Variants in TMCC3 observed in about 807,000 individuals in gnomAD.
The protein encoded by TMCC3 is transmembrane and coiled-coil domain protein 3.
A neutral mutation model predicts 40.2 loss-of-function variants in TMCC3; 28 were observed. The observed-to-expected ratio is 0.70, with a 90% CI of 0.52 to 0.95. The LOEUF (loss-of-function observed/expected upper bound fraction) is 0.95. TMCC3 is among the 40% of genes least tolerant of loss of function. TMCC3 has a pLI of 0.00. For missense variants in TMCC3, 554 were observed against 615.2 expected, an observed-to-expected ratio of 0.90 and a Z score of 1.05; for synonymous variants, 255 against 248.5, an observed-to-expected ratio of 1.03 and a Z score of -0.25.
rs541509282 is a variant in TMCC3 at position 94,592,235 on chromosome 12, G to A, written c.79-9697C>T. ...ACTCTGAACTTTAAATAAGTGCACC[G>A]TGTACAGCACGGGAACTGAGTCAAT... On this transcript the variant is annotated intron_variant, in intron 1 of 3. Transcript: ENST00000261226. Among the ~76,000 whole-genome samples the A allele has an allele frequency of 6.4e-4, 97 of 152,090 alleles. 1 individual carries two copies. Among genetic ancestry groups the A allele is most frequent in the Non-Finnish European group, 1.2e-3 (80 of 68,016 alleles).
intron 1 of TMCC3, among the ~76,000 whole-genome samples, chr12:94,611,233 G>A (rs1399777551): frequency 2.0e-5 from 3 of 152,012 alleles, no homozygotes; most frequent in Non-Finnish European, 4.4e-5. Context: ...ATTTCCCAAG[G>A]AAATAAAACC....
chr12:94,583,843 T>C (rs1316499587), intron 1 of TMCC3, among the ~76,000 whole-genome samples: 1 of 152,214 alleles, frequency 6.6e-6, no homozygotes, highest in Non-Finnish European at 1.5e-5. Context: ...TTGATGTTCC[T>C]GGAGGATGAA....
At chr12:94,612,002 TTTTG>T (rs2068819059) in intron 1 of TMCC3, among the ~76,000 whole-genome samples, 1 of 152,128 alleles carries the variant, frequency 6.6e-6, no homozygotes, top group Admixed American at 6.5e-5. Flanking sequence ...GGTTTGGTGT[TTTTG>T]TTTGTTTTTT....
chr12:94,594,296 T>A (rs1459654594), intron 1 of TMCC3, among the ~76,000 whole-genome samples: 4 of 151,930 alleles, frequency 2.6e-5, no homozygotes, highest in Non-Finnish European at 5.9e-5. Flanking sequence ...ATACCATCAC[T>A]AGCTCACTGC....
intron 1 of TMCC3, among the ~76,000 whole-genome samples, chr12:94,593,393 A>AGAGGAAGAGGAAGAG (rs1566320574): frequency 7.0e-5 from 2 of 28,418 alleles, no homozygotes; most frequent in African/African-American, 2.6e-4. Flanking sequence ...GAAAGAAGAA[A>AGAGGAAGAGGAAGAG]GAAGAAAGAA....
At chr12:94,606,256 A>G (rs1166021063) in intron 1 of TMCC3, among the ~76,000 whole-genome samples, 1 of 152,194 alleles carries the variant, frequency 6.6e-6, no homozygotes, top group African/African-American at 2.4e-5. Flanking sequence ...ATTTGGAAAC[A>G]TGAATTTTAT....
chr12:94,578,146 C>CAAAAAAAAA (rs1183420863), intron 3 of TMCC3, among the ~76,000 whole-genome samples: 55 of 34,716 alleles, frequency 1.6e-3, no homozygotes, highest in African/African-American at 3.8e-3. Context: ...AGACTCACCT[C>CAAAAAAAAA]AAAAAAAAAA....
At position 94,571,510 on chromosome 12, in the gene TMCC3, C is replaced by A; in HGVS notation, c.1359G>T (p.Val453=). ...TTTTACAAAATATAGCAAGAAGAGT[C>A]ACGGCAAAGAAGGTGCCAAGAATGT... The part of the protein sequence containing the change: ...RCHILGTFFA[V]TLLAIFCKNW... The change falls in exon 4 of 4, where the codon GTG becomes GTT. Residue 453 remains valine, a synonymous_variant. Coordinates refer to ENST00000261226, the MANE Select transcript of TMCC3 (RefSeq NM_020698.4). The A allele has an allele frequency of 1.2e-6, 2 of 1,614,092 alleles. No homozygotes were observed. The highest frequency in any genetic ancestry group is 1.7e-6 in the Non-Finnish European group (2 of 1,180,022).
At chr12:94,644,259 CCTCTT>C in intron 1 of TMCC3, 5 of 343,426 alleles carry the variant, frequency 1.5e-5, no homozygotes, top group Non-Finnish European at 2.1e-5. Flanking sequence ...TGGTTCTCTT[CCTCTT>C]CTCTTGTCAC....
intron 3 of TMCC3, among the ~76,000 whole-genome samples, chr12:94,577,406 T>C (rs2068572186): frequency 6.6e-6 from 1 of 152,114 alleles, no homozygotes; most frequent in African/African-American, 2.4e-5. Context: ...GCCAGGATGG[T>C]CTCAATCTCC....
intron 1 of TMCC3, among the ~76,000 whole-genome samples, chr12:94,646,481 C>A (rs887058436): frequency 6.8e-6 from 1 of 147,204 alleles, no homozygotes; most frequent in Non-Finnish European, 1.5e-5. Context: ...TCTTGTCCCC[C>A]AGGCTGGAGT....
chr12:94,647,571 T>C (rs1332941961), intron 1 of TMCC3, among the ~76,000 whole-genome samples: 1 of 152,178 alleles, frequency 6.6e-6, no homozygotes, highest in South Asian at 2.1e-4. Context: ...CTCATTGGCA[T>C]TTTTAGGGGA....
At chr12:94,599,945 C>T (rs928323123) in intron 1 of TMCC3, among the ~76,000 whole-genome samples, 12 of 152,174 alleles carry the variant, frequency 7.9e-5, no homozygotes, top group East Asian at 5.8e-4. Flanking sequence ...GCCCCAGCTA[C>T]GCAGGAAGCT....
chr12:94,594,312 T>C (rs901368406), intron 1 of TMCC3, among the ~76,000 whole-genome samples: 2 of 151,756 alleles, frequency 1.3e-5, no homozygotes, highest in African/African-American at 4.8e-5. Context: ...ACTGCAACCT[T>C]GAACTCCTGG....
At chr12:94,635,518 A>G (rs2068955373) in intron 1 of TMCC3, among the ~76,000 whole-genome samples, 1 of 152,236 alleles carries the variant, frequency 6.6e-6, no homozygotes, top group African/African-American at 2.4e-5. Flanking sequence ...GATGAGAGGT[A>G]ACACTTAGTT....
At chr12:94,596,351 T>G (rs1237893274) in intron 1 of TMCC3, among the ~76,000 whole-genome samples, 1 of 152,182 alleles carries the variant, frequency 6.6e-6, no homozygotes, top group African/African-American at 2.4e-5. Context: ...TTTTTAACCT[T>G]CATCTTATTC....
chr12:94,580,442 T>C (rs1283865149), intron 2 of TMCC3, among the ~76,000 whole-genome samples: 1 of 152,096 alleles, frequency 6.6e-6, no homozygotes. Flanking sequence ...CATAAAAAAA[T>C]ACATTACATA....
In TMCC3 at chr12:94,578,165, A is replaced by AAAAAAAAAAAAAAAAAAAAAG. The variant is rs1467855760; in HGVS notation, c.1131+228_1131+229insCTTTTTTTTTTTTTTTTTTTT. ...TCACCTCAAAAAAAAAAAAAAAAAA[A>AAAAAAAAAAAAAAAAAAAAAG]AAAGAAAAAGAAAAAGAAAAAAAAA... On this transcript the variant is annotated intron_variant, in intron 3 of 3. Transcript: ENST00000261226. Among the ~76,000 whole-genome samples, 31 of 123,392 alleles carry AAAAAAAAAAAAAAAAAAAAAG rather than the reference A, an allele frequency of 2.5e-4. 2 individuals are homozygous for AAAAAAAAAAAAAAAAAAAAAG. Among genetic ancestry groups the AAAAAAAAAAAAAAAAAAAAAG allele is most frequent in the African/African-American group, 4.7e-4 (14 of 29,548 alleles). 80.9% of individuals were successfully genotyped at this position (123,392 alleles called of 152,430 possible). A position where few individuals can be genotyped will look rare whatever the true frequency, so the allele number is the denominator to read the frequency against.
At chr12:94,599,686 C>T (rs1211660427) in intron 1 of TMCC3, among the ~76,000 whole-genome samples, 1 of 151,998 alleles carries the variant, frequency 6.6e-6, no homozygotes, top group African/African-American at 2.4e-5. Flanking sequence ...CAACAGCCAG[C>T]TCTTAATGCT....
Sources: allele counts gnomAD v4.1 joint callset (sites outside exome capture counted in the v4.1 genomes callset), GRCh38; gene constraint gnomAD v4.1.1; transcripts MANE v1.5; gene names NCBI Gene and HGNC (gene_info 2026-07-23, HGNC 2026-07-21).